DENND5B: variants seen among roughly 807,000 people sequenced by gnomAD.
DENND5B encodes the protein DENN domain-containing protein 5B.
A neutral mutation model predicts 140.6 loss-of-function variants in DENND5B; 34 were observed. That is an observed-to-expected ratio of 0.24 (90% CI 0.18 to 0.32). The LOEUF is 0.32. Among genes scored for constraint, DENND5B ranks in the 10% least tolerant of loss-of-function variants. The probability of loss-of-function intolerance (pLI) is 1.00; values close to 1 mark genes in which losing one functional copy is unlikely to be tolerated. For synonymous variants in DENND5B, 551 were observed against 562.1 expected (o/e 0.98, Z 0.28); for missense variants, 1,142 against 1,560.2 (o/e 0.73, Z 4.52).
At chr12:31,471,461 A>ATTTTTTTTTTTTTT (rs747862984) in intron 3 of DENND5B, among the ~76,000 whole-genome samples, 1 of 111,934 alleles carries the variant, frequency 8.9e-6, no homozygotes, top group African/African-American at 3.5e-5. Context: ...CCATGCCTGT[A>ATTTTTTTTTTTTTT]TTTTTTTTTT....
chr12:31,584,231 C>T (rs1482714012), intron 1 of DENND5B, among the ~76,000 whole-genome samples: 1 of 152,182 alleles, frequency 6.6e-6, no homozygotes, highest in African/African-American at 2.4e-5. Flanking sequence ...TCCCTGTCCC[C>T]TTTTCTTTCC....
intron 1 of DENND5B, among the ~76,000 whole-genome samples, chr12:31,517,147 T>A (rs965669545): frequency 7.9e-5 from 12 of 152,174 alleles, no homozygotes; most frequent in Non-Finnish European, 8.8e-5. Context: ...GAAAATTCCC[T>A]CAGCTGGAGC....
In DENND5B at chr12:31,397,891, T is replaced by A. The variant is rs1941572339; in HGVS notation, c.3256+284A>T. On this transcript the variant is annotated intron_variant, in intron 17 of 20. Coordinates refer to ENST00000389082, the MANE Select transcript of DENND5B (RefSeq NM_144973.4). ...GTGAGCTGAGACTGTGCCACTGCAT[T>A]CTAGCCTGGGTAACAGAGTGAAACC... 2.6e-5 allele frequency among the ~76,000 whole-genome samples: 4 copies of A among 152,182 alleles called. No homozygotes were observed. The South Asian group carries it at 8.3e-4, about 32-fold the overall frequency.
chr12:31,392,579 G>A, intron 18 of DENND5B, 35 bp downstream of exon 18: 1 of 1,538,456 alleles, frequency 6.5e-7, no homozygotes, highest in South Asian at 1.2e-5. Context: ...ATCTTTAAAA[G>A]TCCCACTATA....
At chr12:31,393,142 C>T (rs75825264) in intron 17 of DENND5B, among the ~76,000 whole-genome samples, 2 of 152,060 alleles carry the variant, frequency 1.3e-5, no homozygotes, top group East Asian at 3.9e-4. Flanking sequence ...TTATGCTACC[C>T]ACCTACGAGC....
chr12:31,414,131 G>T lies in DENND5B; in HGVS notation c.2553-567C>A, dbSNP rs1474144531. On this transcript the variant is annotated intron_variant, in intron 12 of 20. Transcript: ENST00000389082. ...ATTTTAAAATACAGGGTCTTGCTAT[G>T]TTGCCCAGGCTGGTCTCAATCTCTT... is the stretch of plus-strand genomic sequence containing the variant. Among the ~76,000 whole-genome samples, 3 of 152,224 alleles carry T rather than the reference G, an allele frequency of 2.0e-5. No homozygotes were observed. The East Asian group carries it at 5.8e-4, about 29-fold the overall frequency.
intron 2 of DENND5B, among the ~76,000 whole-genome samples, chr12:31,485,399 C>T (rs1190527663): frequency 1.3e-5 from 2 of 152,148 alleles, no homozygotes; most frequent in Admixed American, 6.5e-5. Flanking sequence ...TCCCAAAGCA[C>T]GGATATTTTA....
At chr12:31,437,135 C>T (rs1024547439) in intron 7 of DENND5B, among the ~76,000 whole-genome samples, 12 of 121,136 alleles carry the variant, frequency 9.9e-5, no homozygotes, top group African/African-American at 2.7e-4. Context: ...TACTATAGCA[C>T]CTGCCCCCCC....
At chr12:31,576,654 G>C (rs1025221942) in intron 1 of DENND5B, among the ~76,000 whole-genome samples, 18 of 152,186 alleles carry the variant, frequency 1.2e-4, no homozygotes, top group African/African-American at 4.3e-4. Context: ...AGGATGAGGA[G>C]GGAGGATTAC....
chr12:31,448,838 C>T (rs556350806), intron 5 of DENND5B, among the ~76,000 whole-genome samples: 88 of 148,386 alleles, frequency 5.9e-4, no homozygotes, highest in Admixed American at 1.1e-3. Context: ...ATAGTGAAAC[C>T]GCATTTCCAA....
intron 1 of DENND5B, among the ~76,000 whole-genome samples, chr12:31,551,187 T>C (rs928069797): frequency 2.6e-4 from 40 of 152,300 alleles, no homozygotes; most frequent in Admixed American, 2.4e-3. Flanking sequence ...AGGGTTTTTA[T>C]GGTTTTAGGT....
chr12:31,530,428 A>C lies in DENND5B; in HGVS notation c.128-34509T>G, dbSNP rs189484625. Among the ~76,000 whole-genome samples the C allele has an allele frequency of 6.9e-3, 1,049 of 152,348 alleles. 14 individuals are homozygous for C. Among genetic ancestry groups the C allele is most frequent in the African/African-American group, 0.024 (1,005 of 41,570 alleles). On this transcript the variant is annotated intron_variant, in intron 1 of 20. Transcript: ENST00000389082. ...ATCAGTTTCAGGATTATTTGTGAAA[A>C]GTGAAACACTGTATACAATATTTTG... is the stretch of plus-strand genomic sequence containing the variant.
At chr12:31,554,077 T>C (rs974703255) in intron 1 of DENND5B, among the ~76,000 whole-genome samples, 2 of 152,184 alleles carry the variant, frequency 1.3e-5, no homozygotes, top group Non-Finnish European at 2.9e-5. Context: ...AAAGTTAATA[T>C]TGTTATGTGT....
intron 3 of DENND5B, among the ~76,000 whole-genome samples, chr12:31,461,741 A>C (rs1487288255): frequency 1.3e-5 from 2 of 152,226 alleles, no homozygotes; most frequent in Non-Finnish European, 2.9e-5. Flanking sequence ...TTTGGTTTTC[A>C]GAATTTTTTG....
rs73292228 is a variant in DENND5B at position 31,451,253 on chromosome 12, G to T, written c.1629+687C>A. 5.6e-3 allele frequency among the ~76,000 whole-genome samples: 850 copies of T among 152,212 alleles called. 18 individuals carry two copies. The highest frequency in any genetic ancestry group is 0.02 in the African/African-American group (827 of 41,554). On this transcript the variant is annotated intron_variant, in intron 5 of 20. Coordinates refer to ENST00000389082, the MANE Select transcript of DENND5B (RefSeq NM_144973.4). ...TCATAAAGTAAGAGTAAATAAAACTGTTATAAGGTTAAACAGTATTAACAG... is the reference window on the plus strand; with the variant it reads ...TCATAAAGTAAGAGTAAATAAAACTTTTATAAGGTTAAACAGTATTAACAG...
In DENND5B at chr12:31,423,588, A is replaced by T. The variant is rs565591558; in HGVS notation, c.2470+9T>A. ...CAGTGCTGCTAGTTCTTTACCAATG[A>T]TGTCATACCTGGTGATTCTGCAAGG... On this transcript the variant is annotated intron_variant, in intron 11 of 20. Transcript: ENST00000389082. 1.2e-6 allele frequency: 2 copies of T among 1,613,586 alleles called. No homozygotes were observed. Among genetic ancestry groups the T allele is most frequent in the African/African-American group, 2.7e-5 (2 of 75,026 alleles).
Position 31,526,194 on chromosome 12 carries a change from C to G in DENND5B, c.128-30275G>C, listed in dbSNP as rs533226916. ...AACTTACTCAAATTTCTTTACATCCCCCTTCACAAGGAGGAATTCGATACA... is the reference window on the plus strand; with the variant it reads ...AACTTACTCAAATTTCTTTACATCCGCCTTCACAAGGAGGAATTCGATACA... On this transcript the variant is annotated intron_variant, in intron 1 of 20. Transcript: ENST00000389082. 2.0e-5 allele frequency among the ~76,000 whole-genome samples: 3 copies of G among 152,166 alleles called. No individual in the cohort carries two copies. In the South Asian group the frequency reaches 6.2e-4, roughly 32 times the overall value.
chr12:31,392,997 A>C (rs1941229292), intron 17 of DENND5B, among the ~76,000 whole-genome samples: 1 of 152,176 alleles, frequency 6.6e-6, no homozygotes, highest in African/African-American at 2.4e-5. Flanking sequence ...AATAGGAAAA[A>C]TACACGCCTC....
chr12:31,399,836 A>G, intron 15 of DENND5B, 64 bp from the exon 16 acceptor site: 2 of 1,308,488 alleles, frequency 1.5e-6, no homozygotes, highest in Non-Finnish European at 1.1e-6. Context: ...TCAGCTTTAC[A>G]GGTACTTTGG....
Sources: gnomAD v4.1 joint callset for allele counts (sites outside exome capture counted in the v4.1 genomes callset) on GRCh38, gnomAD v4.1.1 for gene constraint, MANE v1.5 for transcripts, NCBI Gene and HGNC (gene_info 2026-07-23, HGNC 2026-07-21) for gene names.